MCMBP: variants seen among roughly 807,000 people sequenced by gnomAD.
MCMBP encodes minichromosome maintenance complex binding protein.
In MCMBP, 31 loss-of-function variants were observed where a neutral mutation model predicts 81.3. The observed-to-expected ratio is 0.38, with a 90% CI of 0.29 to 0.51. The LOEUF is 0.51. Ranked by LOEUF, MCMBP falls within the 20% of genes least tolerant of loss-of-function variation. The pLI is 0.87. For missense variants in MCMBP, 645 were observed against 772.1 expected (o/e 0.84, Z 1.95); for synonymous variants, 267 against 275.9 (o/e 0.97, Z 0.32).
chr10:119,841,027 G>A (rs1852414089), intron 10 of MCMBP, 67 bp from the exon 11 acceptor site: 10 of 924,032 alleles, frequency 1.1e-5, no homozygotes, highest in Non-Finnish European at 1.5e-5. Flanking sequence ...AAATAGCGAA[G>A]AATAGAAAAA....
At position 119,840,730 on chromosome 10, in the gene MCMBP, TTAAA is replaced by T; in HGVS notation, c.1242+109_1242+112del. 6.9e-6 allele frequency: 4 copies of T among 580,290 alleles called. No homozygotes were observed. In the East Asian group the frequency reaches 9.9e-5, roughly 14 times the overall value. The allele number at this position is 580,290 out of a possible 1,614,324, so 35.9% of individuals were successfully genotyped here. A position where few individuals can be genotyped will look rare whatever the true frequency, so the allele number is the denominator to read the frequency against. On this transcript the variant is annotated intron_variant, in intron 11 of 15. Coordinates refer to ENST00000369077, the MANE Select transcript of MCMBP (RefSeq NM_001256378.2). ...GTAATTTGGCAGGCTTTGTTTCCCC[TTAAA>T]TAAGATCTATTAAAATCTCTAAGTT...
chr10:119,869,725 C>T (rs373947064), intron 1 of MCMBP, among the ~76,000 whole-genome samples: 225 of 152,106 alleles, frequency 1.5e-3, no homozygotes, highest in Admixed American at 8.8e-3. Flanking sequence ...GAACGAAACT[C>T]CATCTCAAAA....
intron 15 of MCMBP, 34 bp from the exon 16 acceptor site, chr10:119,831,634 G>C (rs770413459): frequency 1.6e-5 from 26 of 1,601,412 alleles, no homozygotes; most frequent in Non-Finnish European, 2.0e-5. Context: ...TTTAAGTCTA[G>C]AGCTGGGATA....
chr10:119,843,460 G>C (rs1455737802), intron 8 of MCMBP, 34 bp from the exon 9 acceptor site: 1 of 1,592,710 alleles, frequency 6.3e-7, no homozygotes, highest in African/African-American at 1.3e-5. Context: ...AATTTAGAGA[G>C]ACATCAATTG....
chr10:119,872,554 G>C lies in MCMBP; in HGVS notation c.31C>G (p.Pro11Ala). 1 of 1,187,860 alleles carries C rather than the reference G, an allele frequency of 8.4e-7. No individual in the cohort carries two copies. The highest frequency in any genetic ancestry group is 1.1e-6 in the Non-Finnish European group (1 of 952,366). 73.6% of individuals were successfully genotyped at this position (1,187,860 alleles called of 1,614,324 possible). A position where few individuals can be genotyped will look rare whatever the true frequency, so the allele number is the denominator to read the frequency against. Residue 11 changes from proline to alanine, a missense_variant, in exon 1 of 16, where the codon CCG (proline) becomes GCG (alanine). By Grantham distance (27) the Pro-to-Ala change is conservative. Transcript: ENST00000369077. ...AAGAATCCCTGCACGATTCCCAGCG[G>C]GTGGCTGAGCCAATCCTCCCCACAC... MPCGEDWLSH[P>A]LGIVQGFFAQ...
At chr10:119,870,845 G>A (rs927503990) in intron 1 of MCMBP, among the ~76,000 whole-genome samples, 1 of 152,152 alleles carries the variant, frequency 6.6e-6, no homozygotes, top group Non-Finnish European at 1.5e-5. Context: ...AAGACATTCT[G>A]GGGAGAAACA....
At chr10:119,843,192 C>A (rs759369643) in intron 9 of MCMBP, 62 bp downstream of exon 9, 4 of 1,581,596 alleles carry the variant, frequency 2.5e-6, no homozygotes, top group South Asian at 2.2e-5. Context: ...ACGTTACAGG[C>A]AGCTCTGGAC....
chr10:119,847,807 G>A, intron 7 of MCMBP, 94 bp from the exon 8 acceptor site: 2 of 645,430 alleles, frequency 3.1e-6, no homozygotes, highest in South Asian at 2.3e-5. Context: ...TTTTAGATCA[G>A]GAAACAGACC....
At chr10:119,833,411 G>A (rs563822771) in intron 14 of MCMBP, among the ~76,000 whole-genome samples, 1 of 151,898 alleles carries the variant, frequency 6.6e-6, no homozygotes, top group South Asian at 2.1e-4. Flanking sequence ...GGGAGGCCAA[G>A]GTGGGAGGAC....
intron 5 of MCMBP, among the ~76,000 whole-genome samples, 178 bp downstream of exon 5, chr10:119,857,160 G>A (rs1278775884): frequency 2.0e-5 from 3 of 149,334 alleles, no homozygotes; most frequent in Non-Finnish European, 4.5e-5. Flanking sequence ...CTATAGGAAT[G>A]TACTGTTATT....
chr10:119,859,893 G>T lies in MCMBP; in HGVS notation c.59-9C>A. Reference sequence around the variant, plus strand: ...ATTAACTCCATTTTGGGCTGAAAGAGAAATATACTTTTCAAAGCTAATGTA... The same window carrying T: ...ATTAACTCCATTTTGGGCTGAAAGATAAATATACTTTTCAAAGCTAATGTA... On this transcript the variant is annotated splice_polypyrimidine_tract_variant and intron_variant, in intron 1 of 15. Transcript: ENST00000369077. 1 of 1,596,856 alleles carries T rather than the reference G, an allele frequency of 6.3e-7. No individual in the cohort carries two copies.
chr10:119,840,544 T>G (rs1169363662), intron 11 of MCMBP, among the ~76,000 whole-genome samples: 2 of 152,210 alleles, frequency 1.3e-5, no homozygotes, highest in African/African-American at 2.4e-5. Context: ...GATTTAAGAC[T>G]TTAGTGTACA....
At chr10:119,839,917 T>A (rs904282525) in intron 11 of MCMBP, among the ~76,000 whole-genome samples, 2 of 152,186 alleles carry the variant, frequency 1.3e-5, no homozygotes, top group African/African-American at 4.8e-5. Context: ...GAGACTACAA[T>A]AGACTGAAGG....
At chr10:119,847,398 G>A (rs1156533708) in intron 8 of MCMBP, among the ~76,000 whole-genome samples, 1 of 152,140 alleles carries the variant, frequency 6.6e-6, no homozygotes. Context: ...AGGGGTAAAA[G>A]GGCTTGATTT....
chr10:119,831,454 T>G lies in MCMBP; in HGVS notation c.*20A>C. The G allele has an allele frequency of 6.2e-7, 1 of 1,613,074 alleles. No homozygotes were observed. The highest frequency in any genetic ancestry group is 8.5e-7 in the Non-Finnish European group (1 of 1,179,542). The stretch of plus-strand genomic sequence containing the variant: ...TATGTGGCTACAGTTTGCCCATTAC[T>G]CTTCATAGGTATTACATCTTTAAAG... On this transcript the variant is annotated 3_prime_UTR_variant, in exon 16 of 16. Transcript: ENST00000369077.
chr10:119,860,684 C>T (rs999905980), intron 1 of MCMBP, among the ~76,000 whole-genome samples: 4 of 152,184 alleles, frequency 2.6e-5, no homozygotes, highest in African/African-American at 7.2e-5. Context: ...AATAGTTCTG[C>T]AAACTTTATA....
intron 6 of MCMBP, among the ~76,000 whole-genome samples, chr10:119,851,890 T>C (rs1350613531): frequency 3.3e-5 from 5 of 152,138 alleles, no homozygotes; most frequent in Admixed American, 6.5e-5. Context: ...CAGTGGCTCA[T>C]GCCTGTAATC....
At chr10:119,864,483 T>C (rs981580774) in intron 1 of MCMBP, among the ~76,000 whole-genome samples, 1 of 151,174 alleles carries the variant, frequency 6.6e-6, no homozygotes, top group Non-Finnish European at 1.5e-5. Flanking sequence ...TTTTCTAATA[T>C]TGGTAATTTG....
intron 6 of MCMBP, among the ~76,000 whole-genome samples, chr10:119,850,109 TA>T (rs1852755434): frequency 6.6e-6 from 1 of 152,184 alleles, no homozygotes; most frequent in Non-Finnish European, 1.5e-5. Context: ...TTAGGGCTGA[TA>T]ACATGAGAAT....
Sources: allele counts gnomAD v4.1 joint callset (sites outside exome capture counted in the v4.1 genomes callset), GRCh38; gene constraint gnomAD v4.1.1; transcripts MANE v1.5; gene names NCBI Gene and HGNC (gene_info 2026-07-23, HGNC 2026-07-21).